Variants in WWP2 observed in about 807,000 individuals in gnomAD.
WWP2 encodes the protein WW domain containing E3 ubiquitin protein ligase 2, also known as NEDD4-like E3 ubiquitin-protein ligase WWP2.
A neutral mutation model predicts 121.0 loss-of-function variants in WWP2; 57 were observed. The ratio of observed to expected loss-of-function variants is 0.47; its 90% CI spans 0.38 to 0.59. WWP2 has a LOEUF of 0.59. WWP2 is among the 20% of genes least tolerant of loss of function. WWP2 has a pLI of 0.00. For synonymous variants in WWP2, 449 were observed against 441.3 expected, an observed-to-expected ratio of 1.02 and a Z score of -0.22; for missense variants, 962 against 1,158.9, an observed-to-expected ratio of 0.83 and a Z score of 2.47.
chr16:69,789,853 GA>G (rs1488979964), intron 2 of WWP2, among the ~76,000 whole-genome samples: 2 of 152,164 alleles, frequency 1.3e-5, no homozygotes, highest in African/African-American at 4.8e-5. Context: ...CAGGGGTGCT[GA>G]TTCCCTGCTC....
intron 6 of WWP2, among the ~76,000 whole-genome samples, chr16:69,856,022 A>C (rs1444637751): frequency 6.6e-6 from 1 of 152,180 alleles, no homozygotes; most frequent in Non-Finnish European, 1.5e-5. Context: ...CTATAGTCCC[A>C]GCCACTGGGG....
chr16:69,881,893 A>G (rs372231596), intron 7 of WWP2, among the ~76,000 whole-genome samples: 1 of 152,174 alleles, frequency 6.6e-6, no homozygotes, highest in East Asian at 1.9e-4. Context: ...GAGTTTTGCC[A>G]TGTTGGCCAG....
rs541768851 is a variant in WWP2, at chr16:69,861,338, C to T, written c.576-10466C>T. ...CGGCCTGGAAGTAGATTGGACAAGT[C>T]ACCATTTACTATACCTTCTCTCTCA... On this transcript the variant is annotated intron_variant, in intron 6 of 23. Transcript: ENST00000359154. 9.8e-5 allele frequency among the ~76,000 whole-genome samples: 15 copies of T among 152,328 alleles called. No individual in the cohort carries two copies. The South Asian group carries it at 1.0e-3, about 11-fold the overall frequency.
intron 6 of WWP2, among the ~76,000 whole-genome samples, chr16:69,863,580 G>A (rs2057465170): frequency 6.6e-6 from 1 of 152,314 alleles, no homozygotes; most frequent in Admixed American, 6.5e-5. Context: ...GGCAGAGGTT[G>A]TAGTGAGCCG....
chr16:69,868,355 G>A (rs2057566059), intron 6 of WWP2, among the ~76,000 whole-genome samples: 1 of 152,144 alleles, frequency 6.6e-6, no homozygotes, highest in Admixed American at 6.5e-5. Context: ...CTGACCACAT[G>A]CCCTTTCTGG....
At chr16:69,908,670 T>C in intron 8 of WWP2, 91 bp from the exon 9 acceptor site, 1 of 1,564,222 alleles carries the variant, frequency 6.4e-7, no homozygotes, top group Non-Finnish European at 8.7e-7. Flanking sequence ...TCCTGTAAAT[T>C]AGCCACATGA....
At chr16:69,879,730 C>A (rs892707403) in intron 7 of WWP2, among the ~76,000 whole-genome samples, 3 of 152,116 alleles carry the variant, frequency 2.0e-5, no homozygotes, top group African/African-American at 7.2e-5. Context: ...TGGTTGTATA[C>A]CTAGGAGTGG....
intron 9 of WWP2, among the ~76,000 whole-genome samples, chr16:69,916,874 A>T (rs2058486689): frequency 6.6e-6 from 1 of 152,086 alleles, no homozygotes; most frequent in African/African-American, 2.4e-5. Context: ...TTAAAAAAAA[A>T]TCATTGAGGC....
intron 4 of WWP2, among the ~76,000 whole-genome samples, chr16:69,801,198 G>A (rs12923438): frequency 0.39 from 55,019 of 141,388 alleles, 12,329 homozygotes; most frequent in Non-Finnish European, 0.51. Context: ...AAAAAAAAAA[G>A]CAATTTTACT....
intron 4 of WWP2, among the ~76,000 whole-genome samples, chr16:69,806,794 T>C (rs890463808): frequency 6.6e-6 from 1 of 152,178 alleles, no homozygotes; most frequent in Admixed American, 6.5e-5. Context: ...CTTGACTAAC[T>C]TAAACATTTT....
rs9935973 is a variant in WWP2 at position 69,886,133 on chromosome 16, G to A, written c.704-1906G>A. On this transcript the variant is annotated intron_variant, in intron 7 of 23. Coordinates refer to ENST00000359154, the MANE Select transcript of WWP2 (RefSeq NM_001270454.2). Reference sequence around the variant, plus strand: ...GGTCTCACCCTGTCACCTAGGCTGGGTTGCAGTGGTGCAATCATGGCTCAC... The same window carrying A: ...GGTCTCACCCTGTCACCTAGGCTGGATTGCAGTGGTGCAATCATGGCTCAC... 2.1e-3 allele frequency among the ~76,000 whole-genome samples: 320 copies of A among 152,288 alleles called. 3 individuals carry two copies. Among genetic ancestry groups the A allele is most frequent in the African/African-American group, 7.0e-3 (292 of 41,552 alleles).
At position 69,902,708 on chromosome 16, in the gene WWP2, G is replaced by A. The variant is rs533762808; in HGVS notation, c.915-6053G>A. ...TGACAGAAATATAACCTCTGACAGGGATGCGCTGATGAAAAATTGATACCA... is the reference window on the plus strand; with the variant it reads ...TGACAGAAATATAACCTCTGACAGGAATGCGCTGATGAAAAATTGATACCA... On this transcript the variant is annotated intron_variant, in intron 8 of 23. Transcript: ENST00000359154. 3.3e-5 allele frequency among the ~76,000 whole-genome samples: 5 copies of A among 152,262 alleles called. No individual in the cohort carries two copies. The South Asian group carries it at 1.0e-3, about 32-fold the overall frequency.
intron 10 of WWP2, among the ~76,000 whole-genome samples, chr16:69,923,251 C>G (rs1174195766): frequency 7.6e-6 from 1 of 131,444 alleles, no homozygotes; most frequent in African/African-American, 2.9e-5. Context: ...TTATCAGTCT[C>G]TGGTGTCTCT....
At chr16:69,845,666 GTCCAAGC>G (rs1328818529) in intron 6 of WWP2, among the ~76,000 whole-genome samples, 2 of 152,082 alleles carry the variant, frequency 1.3e-5, no homozygotes, top group East Asian at 3.9e-4. Flanking sequence ...GGGTTCATTC[GTCCAAGC>G]TCATCCCGCA....
chr16:69,921,358 C>G (rs1381401169), intron 10 of WWP2, among the ~76,000 whole-genome samples: 1 of 152,230 alleles, frequency 6.6e-6, no homozygotes, highest in Non-Finnish European at 1.5e-5. Flanking sequence ...ACTAGACTAG[C>G]TAGCGGCCTC....
chr16:69,831,008 T>G (rs1296630222), intron 4 of WWP2, among the ~76,000 whole-genome samples: 1 of 152,122 alleles, frequency 6.6e-6, no homozygotes, highest in East Asian at 1.9e-4. Flanking sequence ...AATGAAGTGC[T>G]GCTTACTCTC....
At chr16:69,916,912 T>A (rs981056658) in intron 9 of WWP2, among the ~76,000 whole-genome samples, 2 of 152,026 alleles carry the variant, frequency 1.3e-5, no homozygotes, top group Non-Finnish European at 1.5e-5. Flanking sequence ...GCCTGTAATC[T>A]CAGCACTTTG....
chr16:69,875,964 AT>A (rs1221458138), intron 7 of WWP2, among the ~76,000 whole-genome samples: 1 of 151,448 alleles, frequency 6.6e-6, no homozygotes, highest in Admixed American at 6.6e-5. Flanking sequence ...TTATTTTTTT[AT>A]TTTTTTGAGA....
intron 4 of WWP2, among the ~76,000 whole-genome samples, chr16:69,831,358 G>A (rs576324180): frequency 2.6e-5 from 4 of 152,136 alleles, no homozygotes; most frequent in South Asian, 2.1e-4. Flanking sequence ...AAGTTCTTTC[G>A]TACATTTGCT....
Sources: gnomAD v4.1 joint callset for allele counts (sites outside exome capture counted in the v4.1 genomes callset) on GRCh38, gnomAD v4.1.1 for gene constraint, MANE v1.5 for transcripts, NCBI Gene and HGNC (gene_info 2026-07-23, HGNC 2026-07-21) for gene names.